EXOC2: variants seen among roughly 807,000 people sequenced by gnomAD.
The protein encoded by EXOC2 is SEC5-like 1.
A neutral mutation model predicts 131.8 loss-of-function variants in EXOC2; 70 were observed. The ratio of observed to expected loss-of-function variants is 0.53; its 90% confidence interval spans 0.44 to 0.65. The LOEUF is 0.65. Among genes scored for constraint, EXOC2 ranks in the 30% least tolerant of loss-of-function variants. The probability of loss-of-function intolerance (pLI) is 0.00; values close to 1 mark genes in which losing one functional copy is unlikely to be tolerated. For synonymous variants in EXOC2, 411 were observed against 398.4 expected, an observed-to-expected ratio of 1.03 and a Z score of -0.38; for missense variants, 923 against 1,108.6, an observed-to-expected ratio of 0.83 and a Z score of 2.38.
chr6:579,898 C>A (rs1349872862), intron 11 of EXOC2, among the ~76,000 whole-genome samples: 1 of 151,934 alleles, frequency 6.6e-6, no homozygotes, highest in Non-Finnish European at 1.5e-5. Context: ...AAGAAAAAAA[C>A]AGTTTCCATA....
intron 22 of EXOC2, among the ~76,000 whole-genome samples, chr6:544,580 G>T (rs1756732210): frequency 6.6e-6 from 1 of 152,114 alleles, no homozygotes; most frequent in African/African-American, 2.4e-5. Flanking sequence ...CAAGGAAAAT[G>T]AAACACATAT....
chr6:581,157 G>A lies in EXOC2; in HGVS notation c.1193-4275C>T, dbSNP rs149078483. On this transcript the variant is annotated intron_variant, in intron 11 of 27. Transcript: ENST00000230449. The stretch of plus-strand genomic sequence containing the variant: ...TAAAAATACAAAAAAATTAGCCAGC[G>A]CGGTGGCACATGCCTGTAGTCCCAG... Among the ~76,000 whole-genome samples, 45 of 152,078 alleles carry A rather than the reference G, an allele frequency of 3.0e-4. No individual in the cohort carries two copies. In the East Asian group the frequency reaches 8.3e-3, roughly 28 times the overall value.
chr6:677,555 GC>G (rs936002652), intron 1 of EXOC2, among the ~76,000 whole-genome samples: 50 of 152,152 alleles, frequency 3.3e-4, no homozygotes, highest in African/African-American at 1.1e-3. Context: ...GATGGAGTCT[GC>G]CTCCTGGGTT....
intron 1 of EXOC2, among the ~76,000 whole-genome samples, chr6:677,759 G>A (rs373194226): frequency 2.6e-5 from 4 of 152,082 alleles, no homozygotes; most frequent in African/African-American, 4.8e-5. Flanking sequence ...GAGCCACTGC[G>A]CCCAGCCTTA....
At position 516,810 on chromosome 6, in the gene EXOC2, A is replaced by G. The variant is rs17753839; in HGVS notation, c.2380+15659T>C. Among the ~76,000 whole-genome samples the G allele has an allele frequency of 9.1e-3, 1,384 of 152,360 alleles. 18 individuals are homozygous for G. Among genetic ancestry groups the G allele is most frequent in the Non-Finnish European group, 0.013 (874 of 68,038 alleles). On this transcript the variant is annotated intron_variant, in intron 23 of 27. Coordinates refer to ENST00000230449, the MANE Select transcript of EXOC2 (RefSeq NM_018303.6). ...ACAAAACCAGGTCAAGTGACAAAAA[A>G]TCCCTAATGCTTTCCATAGCACCTC...
chr6:616,598 G>A (rs1177894699), intron 6 of EXOC2, among the ~76,000 whole-genome samples: 14 of 36,764 alleles, frequency 3.8e-4, no homozygotes, highest in African/African-American at 1.5e-3. Flanking sequence ...GCGAAACTCC[G>A]TCTCAAAAAA....
intron 20 of EXOC2, among the ~76,000 whole-genome samples, chr6:554,446 G>A (rs1423173455): frequency 6.6e-6 from 1 of 152,104 alleles, no homozygotes; most frequent in Non-Finnish European, 1.5e-5. Context: ...TAATATGAGG[G>A]ATCTGACTAA....
Position 676,162 on chromosome 6 carries a change from C to T in EXOC2, c.-44+16857G>A, listed in dbSNP as rs867438044. 1.1e-4 allele frequency among the ~76,000 whole-genome samples: 6 copies of T among 52,262 alleles called. 1 individual carries two copies. The highest frequency in any genetic ancestry group is 2.3e-4 in the Non-Finnish European group (5 of 22,146). The allele number at this position is 52,262 out of a possible 152,430, so 34.3% of individuals were successfully genotyped here. A position where few individuals can be genotyped will look rare whatever the true frequency, so the allele number is the denominator to read the frequency against. On this transcript the variant is annotated intron_variant, in intron 1 of 27. Coordinates refer to ENST00000230449, the MANE Select transcript of EXOC2 (RefSeq NM_018303.6). ...AGGTTCCCCATACTCTTCAACATTA[C>T]GGAAAGGACAGGTTCCTCTGGAGAC...
intron 3 of EXOC2, among the ~76,000 whole-genome samples, chr6:631,251 C>G (rs1178766374): frequency 6.6e-6 from 1 of 152,166 alleles, no homozygotes; most frequent in African/African-American, 2.4e-5. Context: ...TTCAAGAAAG[C>G]TTTACTGGCC....
chr6:589,281 T>C (rs914515200), intron 11 of EXOC2, among the ~76,000 whole-genome samples: 1 of 151,566 alleles, frequency 6.6e-6, no homozygotes, highest in African/African-American at 2.4e-5. Flanking sequence ...ACCCGCACGG[T>C]GTCTGGAACG....
At chr6:585,970 T>C (rs1219747003) in intron 11 of EXOC2, among the ~76,000 whole-genome samples, 3 of 152,222 alleles carry the variant, frequency 2.0e-5, no homozygotes, top group East Asian at 3.8e-4. Flanking sequence ...TATTGGAATG[T>C]AGTAAGCTTT....
intron 23 of EXOC2, among the ~76,000 whole-genome samples, chr6:503,319 G>A (rs1030854906): frequency 6.6e-6 from 1 of 152,122 alleles, no homozygotes; most frequent in Admixed American, 6.5e-5. Flanking sequence ...GGCATATGGT[G>A]CTCCAAGTAG....
intron 13 of EXOC2, among the ~76,000 whole-genome samples, chr6:570,754 T>G (rs1168453270): frequency 1.3e-5 from 2 of 152,216 alleles, no homozygotes; most frequent in African/African-American, 4.8e-5. Flanking sequence ...TAGGAAGTGA[T>G]AGACACTGGA....
chr6:555,181 T>C, intron 20 of EXOC2, 46 bp downstream of exon 20: 1 of 1,170,494 alleles, frequency 8.5e-7, no homozygotes, highest in Non-Finnish European at 1.2e-6. Flanking sequence ...CCTGTATTTT[T>C]AATTCTCTTA....
chr6:637,217 A>C (rs1762142363), intron 2 of EXOC2, among the ~76,000 whole-genome samples: 1 of 152,230 alleles, frequency 6.6e-6, no homozygotes, highest in Non-Finnish European at 1.5e-5. Flanking sequence ...TCCACAGATC[A>C]CGATGAGGAC....
intron 23 of EXOC2, among the ~76,000 whole-genome samples, chr6:508,654 C>A (rs966301078): frequency 5.9e-5 from 9 of 152,226 alleles, no homozygotes; most frequent in African/African-American, 2.2e-4. Flanking sequence ...TCCAGATGGA[C>A]CGTAACACAT....
At chr6:644,591 T>C (rs1464820608) in intron 1 of EXOC2, among the ~76,000 whole-genome samples, 1 of 152,094 alleles carries the variant, frequency 6.6e-6, no homozygotes, top group African/African-American at 2.4e-5. Flanking sequence ...ATTGCTTATA[T>C]AAAAAATCCT....
chr6:587,167 G>T (rs1759253373), intron 11 of EXOC2, among the ~76,000 whole-genome samples: 1 of 151,778 alleles, frequency 6.6e-6, no homozygotes. Context: ...TATAATTAAG[G>T]CAAATATTTT....
intron 23 of EXOC2, among the ~76,000 whole-genome samples, chr6:528,454 ATGAC>A (rs1353928943): frequency 2.0e-5 from 3 of 152,252 alleles, no homozygotes; most frequent in African/African-American, 7.2e-5. Context: ...AAATCACTAT[ATGAC>A]TATGCAAGGC....
Sources: allele counts gnomAD v4.1 joint callset (sites outside exome capture counted in the v4.1 genomes callset), GRCh38; gene constraint gnomAD v4.1.1; transcripts MANE v1.5; gene names NCBI Gene and HGNC (gene_info 2026-07-23, HGNC 2026-07-21).